The following PTAFR variants were observed in gnomAD, a reference collection of about 807,000 sequenced individuals.
PTAFR encodes the protein platelet-activating factor receptor.
PTAFR carries 8 observed loss-of-function variants against 14.7 expected under a neutral mutation model. The ratio of observed to expected loss-of-function variants is 0.54; its 90% confidence interval spans 0.32 to 0.98. The LOEUF is 0.98. PTAFR is among the 50% of genes least tolerant of loss of function. The pLI is 0.04. For missense variants in PTAFR, 337 were observed against 451.2 expected (o/e 0.75, Z 2.29); for synonymous variants, 156 against 176.5 (o/e 0.88, Z 0.92).
At chr1:28,190,617 G>A (rs985130643) in intron 1 of PTAFR, among the ~76,000 whole-genome samples, 1 of 152,146 alleles carries the variant, frequency 6.6e-6, no homozygotes, top group Non-Finnish European at 1.5e-5. Context: ...TTAAGAAGGG[G>A]TGGTATAGAC....
Position 28,150,750 on chromosome 1 carries a change from T to G in PTAFR, c.272A>C (p.Asn91Thr). 6.2e-7 allele frequency: 1 copy of G among 1,614,186 alleles called. No homozygotes were observed. ...GNWILPKFLC[N>T]VAGCLFFINT... Reference sequence around the variant, plus strand: ...GATGAAGAAAAGGCAGCCAGCCACGTTGCACAGGAATTTGGGGAGTATCCA... The same window carrying G: ...GATGAAGAAAAGGCAGCCAGCCACGGTGCACAGGAATTTGGGGAGTATCCA... Residue 91 changes from asparagine to threonine, a missense_variant, in exon 2 of 2, where the codon AAC (asparagine) becomes ACC (threonine). Asn to Thr is a moderately conservative substitution (Grantham distance 65). Transcript: ENST00000373857. This position sits in a 1 kb window ranked among gnomAD's most constrained non-coding sequence, Gnocchi z 6.3.
intron 1 of PTAFR, among the ~76,000 whole-genome samples, chr1:28,165,296 T>C (rs1176890217): frequency 4.1e-5 from 6 of 145,932 alleles, no homozygotes; most frequent in Non-Finnish European, 8.9e-5. Context: ...TCCCAGCTAC[T>C]CAGGAGGCTG....
Position 28,147,741 on chromosome 1 carries a change from G to A in PTAFR, c.*2252C>T, listed in dbSNP as rs1341804317. The A allele has an allele frequency of 2.0e-5, 3 of 152,184 alleles. No homozygotes were observed. The highest frequency in any genetic ancestry group is 4.4e-5 in the Non-Finnish European group (3 of 68,058). 9.4% of individuals were successfully genotyped at this position (152,184 alleles called of 1,614,324 possible). A position where few individuals can be genotyped will look rare whatever the true frequency, so the allele number is the denominator to read the frequency against. On this transcript the variant is annotated 3_prime_UTR_variant, in exon 2 of 2. Coordinates refer to ENST00000373857, the MANE Select transcript of PTAFR (RefSeq NM_000952.5). ...GGGCCCAAATTCGCAGAAAAGGGGA[G>A]GGTCTAAGATGAGCAGTCACCCTGC...
chr1:28,168,263 G>T (rs528490885), intron 1 of PTAFR, among the ~76,000 whole-genome samples: 1 of 151,706 alleles, frequency 6.6e-6, no homozygotes, highest in Non-Finnish European at 1.5e-5. Context: ...GAGCCACCGC[G>T]CCCGGCAGAA....
upstream of PTAFR, among the ~76,000 whole-genome samples, chr1:28,180,906 T>A (rs1646556938): frequency 6.6e-6 from 1 of 151,504 alleles, no homozygotes; most frequent in Admixed American, 6.6e-5. Flanking sequence ...GGAAGAGGAA[T>A]GAAGGGAGAG....
chr1:28,150,126 T>G lies in PTAFR; in HGVS notation c.896A>C (p.Lys299Thr). The change falls in exon 2 of 2, where the codon AAG becomes ACG. Residue 299 changes from lysine to threonine, a missense_variant. Coordinates refer to ENST00000373857, the MANE Select transcript of PTAFR (RefSeq NM_000952.5). The surrounding 1 kb of genome is among the most constrained non-coding windows in gnomAD (Gnocchi z 6.3). ...CTTTTCGGTGAGGTGCTTGCGGAAC[T>G]TCTTGGTGAGGAAACAGTAGATAAC... ...DPVIYCFLTKKFRKHLTEKFY... is the reference protein window; with the variant it reads ...DPVIYCFLTKTFRKHLTEKFY... 6.2e-7 allele frequency: 1 copy of G among 1,614,166 alleles called. No individual in the cohort carries two copies. The highest frequency in any genetic ancestry group is 1.6e-4 in the Middle Eastern group (1 of 6,062).
At chr1:28,155,593 C>T (rs1177572210) in intron 1 of PTAFR, among the ~76,000 whole-genome samples, 2 of 152,270 alleles carry the variant, frequency 1.3e-5, no homozygotes, top group South Asian at 2.1e-4. Flanking sequence ...CTTCAATGGA[C>T]TTGGCTCACG....
At chr1:28,160,853 G>A (rs1021330612) in intron 1 of PTAFR, among the ~76,000 whole-genome samples, 2 of 152,072 alleles carry the variant, frequency 1.3e-5, no homozygotes, top group African/African-American at 2.4e-5. Flanking sequence ...TCCTACTTCT[G>A]CTGCCTTCTG....
intron 1 of PTAFR, among the ~76,000 whole-genome samples, chr1:28,174,690 GT>G (rs529349419): frequency 6.6e-6 from 1 of 152,172 alleles, no homozygotes; most frequent in Non-Finnish European, 1.5e-5. Context: ...CATCTGTCCT[GT>G]GCATATTCTA....
intron 1 of PTAFR, among the ~76,000 whole-genome samples, chr1:28,161,210 G>A (rs904376691): frequency 2.0e-5 from 3 of 152,110 alleles, no homozygotes; most frequent in Non-Finnish European, 2.9e-5. Context: ...TTGGACTTCC[G>A]TAGCTCATAG....
chr1:28,166,156 C>A (rs539581394), intron 1 of PTAFR, among the ~76,000 whole-genome samples: 2 of 152,298 alleles, frequency 1.3e-5, no homozygotes, highest in East Asian at 3.9e-4. Flanking sequence ...TAAACCCTCA[C>A]ATACATAGTC....
In PTAFR at chr1:28,150,397, T is replaced by G. The variant is rs1432122824; in HGVS notation, c.625A>C (p.Ile209Leu). ...FLIILFCNLV[I>L]IRTLLMQPVQ... Reference sequence around the variant, plus strand: ...GGCTGCATGAGCAAGGTACGGATGATGACCAGGTTGCAGAAGAGGATGATG... The same window carrying G: ...GGCTGCATGAGCAAGGTACGGATGAGGACCAGGTTGCAGAAGAGGATGATG... The change falls in exon 2 of 2, where the codon ATC becomes CTC. Residue 209 changes from isoleucine (I) to leucine (L), a missense_variant. Physicochemically the swap from Ile to Leu is conservative, Grantham distance 5. Coordinates refer to ENST00000373857, the MANE Select transcript of PTAFR (RefSeq NM_000952.5). The surrounding 1 kb of genome is among the most constrained non-coding windows in gnomAD (Gnocchi z 6.3). The G allele has an allele frequency of 6.2e-7, 1 of 1,613,900 alleles. No homozygotes were observed. The highest frequency in any genetic ancestry group is 1.1e-5 in the South Asian group (1 of 91,044).
At chr1:28,156,900 A>G (rs1219468280) in intron 1 of PTAFR, among the ~76,000 whole-genome samples, 1 of 152,108 alleles carries the variant, frequency 6.6e-6, no homozygotes, top group Non-Finnish European at 1.5e-5. Context: ...ACAGCTGGGC[A>G]GGGCATGGTG....
rs758659547 is a variant in PTAFR, at chr1:28,150,049, C to T, written c.973G>A (p.Val325Ile). The T allele has an allele frequency of 4.0e-5, 64 of 1,614,042 alleles. No homozygotes were observed. Among genetic ancestry groups the T allele is most frequent in the Non-Finnish European group, 5.3e-5 (62 of 1,180,032 alleles). Residue 325 changes from valine (V) to isoleucine (I), a missense_variant, in exon 2 of 2, where the codon GTC (valine) becomes ATC (isoleucine). By Grantham distance (29) the Val-to-Ile change is conservative. Transcript: ENST00000373857. This position sits in a 1 kb window ranked among gnomAD's most constrained non-coding sequence, Gnocchi z 6.3. ...RKCSRATTDT[V>I]TEVVVPFNQI... ...TTGAATGGCACAACCACTTCAGTGA[C>T]CGTATCCGTGGTGGCCCGGGAGCAT...
upstream of PTAFR, among the ~76,000 whole-genome samples, chr1:28,177,819 G>A (rs537946322): frequency 2.6e-5 from 4 of 152,012 alleles, no homozygotes; most frequent in South Asian, 4.2e-4. Flanking sequence ...GTGGACAATC[G>A]ATGGTGAATG....
At chr1:28,155,777 A>C (rs2148994397) in intron 1 of PTAFR, among the ~76,000 whole-genome samples, 1 of 152,222 alleles carries the variant, frequency 6.6e-6, no homozygotes, top group South Asian at 2.1e-4. Context: ...CCAAGGTGGA[A>C]GGATCAATTG....
intron 1 of PTAFR, among the ~76,000 whole-genome samples, chr1:28,154,833 T>C (rs868041282): frequency 3.1e-5 from 1 of 31,986 alleles, no homozygotes; most frequent in African/African-American, 1.3e-4. Flanking sequence ...AAAAAAAAAG[T>C]GGGGGGGGAG....
At chr1:28,185,518 G>C (rs1466784816) in intron 1 of PTAFR, among the ~76,000 whole-genome samples, 1 of 152,192 alleles carries the variant, frequency 6.6e-6, no homozygotes, top group Non-Finnish European at 1.5e-5. Context: ...AATACCATAG[G>C]GAAAAGGGCA....
At chr1:28,174,981 C>T (rs1476966438) in intron 1 of PTAFR, among the ~76,000 whole-genome samples, 4 of 152,286 alleles carry the variant, frequency 2.6e-5, no homozygotes, top group South Asian at 2.1e-4. Flanking sequence ...GGCTGGAGTG[C>T]GATGGCGCCA....
Sources: gnomAD v4.1 joint callset for allele counts (sites outside exome capture counted in the v4.1 genomes callset) on GRCh38, gnomAD v4.1.1 for gene constraint, Gnocchi (gnomAD v3.1) non-coding constraint, MANE v1.5 for transcripts, NCBI Gene and HGNC (gene_info 2026-07-23, HGNC 2026-07-21) for gene names.